Variants in NT5E observed in about 807,000 individuals in gnomAD.
NT5E encodes 5'-nucleotidase ecto, also known as 5'-nucleotidase.
NT5E carries 53 observed loss-of-function variants against 55.1 expected under a neutral mutation model. The ratio of observed to expected loss-of-function variants is 0.96; its 90% CI spans 0.77 to 1.21. The LOEUF (loss-of-function observed/expected upper bound fraction) is 1.21, where lower values mean the gene tolerates loss of function less well. Ranked by LOEUF, NT5E falls within the 50% of genes most tolerant of loss-of-function variation. The pLI, the probability that NT5E is intolerant of heterozygous loss-of-function variation, is 0.00. For missense variants in NT5E, 683 were observed against 724.3 expected (o/e 0.94, Z 0.65); for synonymous variants, 270 against 278.4 (o/e 0.97, Z 0.30).
chr6:85,490,367 A>C lies in NT5E; in HGVS notation c.1211-141A>C, dbSNP rs1399631414. 3.7e-5 allele frequency: 36 copies of C among 966,086 alleles called. 1 individual carries two copies. The highest frequency in any genetic ancestry group is 5.7e-5 in the Non-Finnish European group (35 of 614,350). The allele number at this position is 966,086 out of a possible 1,614,324, so 59.8% of individuals were successfully genotyped here. On this transcript the variant is annotated intron_variant, in intron 6 of 8. Coordinates refer to ENST00000257770, the MANE Select transcript of NT5E (RefSeq NM_002526.4). ...CTCATTCCCTTCCTCAGTGTCAGGA[A>C]CCACTTAGACATAGCTAATGATGCT...
rs1363643728 is a variant in NT5E at position 85,474,876 on chromosome 6, G to GT, written c.751+3452dup. Among the ~76,000 whole-genome samples, 4 of 152,216 alleles carry GT rather than the reference G, an allele frequency of 2.6e-5. No individual in the cohort carries two copies. The East Asian group carries it at 7.7e-4, about 29-fold the overall frequency. ...TTGAATCGGGGAGGTTGAGGATGCA[G>GT]TGAGCTATGATCACTCCACTGAACT... is the stretch of plus-strand genomic sequence containing the variant. On this transcript the variant is annotated intron_variant, in intron 3 of 8. Transcript: ENST00000257770.
At chr6:85,471,496 C>G (rs779587137) in intron 3 of NT5E, 71 bp downstream of exon 3, 8 of 1,279,640 alleles carry the variant, frequency 6.3e-6, no homozygotes, top group Non-Finnish European at 9.0e-6. Context: ...GCCTTTGTAA[C>G]TGTTATTACT....
rs1487670129 is a variant in NT5E, at chr6:85,494,677, A to G, written c.*673A>G. On this transcript the variant is annotated 3_prime_UTR_variant, in exon 9 of 9. Transcript: ENST00000257770. ...TTTTCACTTTATAGCTCCTGTTATA[A>G]TAGCAAGTTTAATGGTATAAACACA... 1.3e-5 allele frequency: 2 copies of G among 152,858 alleles called. No homozygotes were observed. Among genetic ancestry groups the G allele is most frequent in the Non-Finnish European group, 2.9e-5 (2 of 68,524 alleles). 9.5% of individuals were successfully genotyped at this position (152,858 alleles called of 1,614,324 possible). A position where few individuals can be genotyped will look rare whatever the true frequency, so the allele number is the denominator to read the frequency against.
intron 5 of NT5E, 115 bp downstream of exon 5, chr6:85,487,604 CAT>C: frequency 1.4e-6 from 2 of 1,394,114 alleles, no homozygotes; most frequent in South Asian, 2.3e-5. Context: ...GATTTCAAAA[CAT>C]TTTTAGCCAG....
chr6:85,487,783 CATT>C (rs980695376), intron 5 of NT5E, among the ~76,000 whole-genome samples: 2 of 152,140 alleles, frequency 1.3e-5, no homozygotes, highest in Non-Finnish European at 2.9e-5. Context: ...ATAAATAAAA[CATT>C]AGTGCCTAAA....
At position 85,467,254 on chromosome 6, in the gene NT5E, C is replaced by T. The variant is rs767646336; in HGVS notation, c.534C>T (p.Ser178=). The T allele has an allele frequency of 1.1e-5, 17 of 1,613,960 alleles. No homozygotes were observed. The highest frequency in any genetic ancestry group is 1.4e-5 in the Non-Finnish European group (16 of 1,179,976). Residue 178 remains serine, a synonymous_variant, in exon 2 of 9, where the codon TCC becomes TCT. Transcript: ENST00000257770. ...TTGTGGGAATCGTTGGATACACTTC[C>T]AAAGAAACCCCTTTTCTCTCAAATC... ...DEVVGIVGYT[S]KETPFLSNPG...
intron 4 of NT5E, among the ~76,000 whole-genome samples, chr6:85,486,415 T>A (rs1040412520): frequency 6.6e-6 from 1 of 152,200 alleles, no homozygotes; most frequent in Non-Finnish European, 1.5e-5. Flanking sequence ...GGAGTACGCC[T>A]TAACCCTAAA....
chr6:85,495,267 GAA>G lies in NT5E; in HGVS notation c.*1266_*1267del, dbSNP rs1409249262. On this transcript the variant is annotated 3_prime_UTR_variant, in exon 9 of 9. Coordinates refer to ENST00000257770, the MANE Select transcript of NT5E (RefSeq NM_002526.4). ...GTGGGACCCTCTGAGTGGGTGGTCA[GAA>G]AATACCCATGCTGATGAAATGACCT... 6.6e-6 allele frequency: 1 copy of G among 152,218 alleles called. No individual in the cohort carries two copies. 9.4% of individuals were successfully genotyped at this position (152,218 alleles called of 1,614,324 possible). A position where few individuals can be genotyped will look rare whatever the true frequency, so the allele number is the denominator to read the frequency against.
intron 3 of NT5E, among the ~76,000 whole-genome samples, chr6:85,477,495 TA>T (rs1490429956): frequency 6.6e-6 from 1 of 152,186 alleles, no homozygotes; most frequent in African/African-American, 2.4e-5. Context: ...TAATTATAAC[TA>T]AGACAGACTA....
chr6:85,489,842 G>T (rs539070232), intron 6 of NT5E, among the ~76,000 whole-genome samples: 8 of 152,300 alleles, frequency 5.3e-5, no homozygotes, highest in African/African-American at 1.7e-4. Flanking sequence ...TGCAGGTAAG[G>T]TTAGTGGAAC....
intron 1 of NT5E, among the ~76,000 whole-genome samples, chr6:85,465,021 C>T (rs766316982): frequency 6.6e-5 from 10 of 152,072 alleles, no homozygotes; most frequent in Admixed American, 1.3e-4. Context: ...CAGATCTAGA[C>T]GTCAGGAGAA....
chr6:85,470,354 G>A (rs1234448982), intron 2 of NT5E, among the ~76,000 whole-genome samples: 1 of 152,178 alleles, frequency 6.6e-6, no homozygotes, highest in East Asian at 1.9e-4. Flanking sequence ...TAAGCACCCA[G>A]GGAAGAATGT....
intron 1 of NT5E, among the ~76,000 whole-genome samples, chr6:85,459,824 G>A (rs1289061167): frequency 6.6e-6 from 1 of 152,174 alleles, no homozygotes; most frequent in African/African-American, 2.4e-5. Flanking sequence ...GTGGCTTTGG[G>A]TAAACCCTGT....
In NT5E at chr6:85,467,167, A is replaced by C; in HGVS notation, c.447A>C (p.Pro149=). The C allele has an allele frequency of 6.2e-7, 1 of 1,614,196 alleles. No individual in the cohort carries two copies. The highest frequency in any genetic ancestry group is 1.1e-5 in the South Asian group (1 of 91,074). Residue 149 remains proline, a synonymous_variant, in exon 2 of 9, where the codon CCA becomes CCC. Coordinates refer to ENST00000257770, the MANE Select transcript of NT5E (RefSeq NM_002526.4). ...ILSANIKAKG[P]LASQISGLYL... is the part of the protein sequence containing the mutation. Reference sequence around the variant, plus strand: ...GTGCAAACATTAAAGCAAAGGGGCCACTAGCATCTCAAATATCAGGACTTT... The same window carrying C: ...GTGCAAACATTAAAGCAAAGGGGCCCCTAGCATCTCAAATATCAGGACTTT...
intron 7 of NT5E, chr6:85,491,065 A>G (rs1562146302): frequency 1.9e-6 from 1 of 531,532 alleles, no homozygotes; most frequent in Non-Finnish European, 3.9e-6. Context: ...ATCTGTATTA[A>G]CCAGGATGAT....
At chr6:85,493,792 A>C (rs1323826214) in intron 8 of NT5E, 49 bp from the exon 9 acceptor site, 2 of 1,516,700 alleles carry the variant, frequency 1.3e-6, no homozygotes, top group Admixed American at 1.7e-5. Context: ...CTTACTGTTG[A>C]TTGATAATTA....
intron 3 of NT5E, among the ~76,000 whole-genome samples, chr6:85,480,921 C>G (rs546833729): frequency 6.1e-4 from 93 of 152,238 alleles, no homozygotes; most frequent in African/African-American, 2.2e-3. Context: ...AGTAGCAAAA[C>G]CCATTCTCCT....
At chr6:85,482,224 G>C (rs529061763) in intron 3 of NT5E, among the ~76,000 whole-genome samples, 1 of 152,134 alleles carries the variant, frequency 6.6e-6, no homozygotes, top group Non-Finnish European at 1.5e-5. Flanking sequence ...GGCCAGGTGC[G>C]TGGCTCATGC....
chr6:85,471,698 T>C (rs1439926030), intron 3 of NT5E: 2 of 163,664 alleles, frequency 1.2e-5, no homozygotes, highest in African/African-American at 4.8e-5. Context: ...AAAACATATA[T>C]ATACCATACA....
Sources: gnomAD v4.1 joint callset for allele counts (sites outside exome capture counted in the v4.1 genomes callset) on GRCh38, gnomAD v4.1.1 for gene constraint, MANE v1.5 for transcripts, NCBI Gene and HGNC (gene_info 2026-07-23, HGNC 2026-07-21) for gene names.